NEDD4L: variants seen among roughly 807,000 people sequenced by gnomAD.
NEDD4L encodes E3 ubiquitin-protein ligase NEDD4-like.
In NEDD4L, 54 loss-of-function variants were observed where a neutral mutation model predicts 148.9. That is an observed-to-expected ratio of 0.36 (90% CI 0.29 to 0.45). NEDD4L has a LOEUF of 0.45. Ranked by LOEUF, NEDD4L falls within the 20% of genes least tolerant of loss-of-function variation. The probability of loss-of-function intolerance (pLI) is 1.00; values close to 1 mark genes in which losing one functional copy is unlikely to be tolerated. For missense variants in NEDD4L, 856 were observed against 1,233.8 expected, an observed-to-expected ratio of 0.69 and a Z score of 4.59; for synonymous variants, 433 against 440.7, an observed-to-expected ratio of 0.98 and a Z score of 0.22.
chr18:58,232,559 G>A (rs949249397), intron 2 of NEDD4L, among the ~76,000 whole-genome samples: 3 of 152,200 alleles, frequency 2.0e-5, no homozygotes, highest in East Asian at 1.9e-4. Flanking sequence ...GGTACCTGCC[G>A]TAATTGATCT....
chr18:58,081,485 G>C (rs190817933), intron 1 of NEDD4L, among the ~76,000 whole-genome samples: 28 of 152,038 alleles, frequency 1.8e-4, no homozygotes, highest in Middle Eastern at 3.4e-3. Flanking sequence ...AAAGTGCTAC[G>C]ATTACAGGTG....
intron 30 of NEDD4L, among the ~76,000 whole-genome samples, chr18:58,394,801 T>C (rs184104489): frequency 5.3e-5 from 8 of 152,356 alleles, no homozygotes; most frequent in African/African-American, 1.9e-4. Flanking sequence ...GGTTAGCTTT[T>C]AGTATATGTG....
chr18:58,235,110 G>A (rs1450091458), intron 2 of NEDD4L, among the ~76,000 whole-genome samples: 1 of 151,720 alleles, frequency 6.6e-6, no homozygotes, highest in Non-Finnish European at 1.5e-5. Flanking sequence ...GGCTTAGGAC[G>A]GTGCTTGGCT....
rs73450416 is a variant in NEDD4L at position 58,188,134 on chromosome 18, T to A, written c.122+22273T>A. Among the ~76,000 whole-genome samples, 700 of 152,264 alleles carry A rather than the reference T, an allele frequency of 4.6e-3. 7 individuals are homozygous for A. Among genetic ancestry groups the A allele is most frequent in the African/African-American group, 0.016 (661 of 41,562 alleles). On this transcript the variant is annotated intron_variant, in intron 2 of 30. Transcript: ENST00000400345. The stretch of plus-strand genomic sequence containing the variant: ...GGCCAACGCCTCTGTTCAGCGATAG[T>A]CCAGCTGAGACCAGGACCTGTGCCT...
At chr18:58,120,193 G>T (rs1267500736) in intron 1 of NEDD4L, among the ~76,000 whole-genome samples, 2 of 152,126 alleles carry the variant, frequency 1.3e-5, no homozygotes, top group African/African-American at 4.8e-5. Flanking sequence ...AGAAATCCCT[G>T]TCGAGGCCAG....
At position 58,370,656 on chromosome 18, in the gene NEDD4L, C is replaced by G. The variant is rs9955628; in HGVS notation, c.2256+189C>G. Among the ~76,000 whole-genome samples the G allele has an allele frequency of 0.28, 43,173 of 152,130 alleles. 6,428 individuals are homozygous for G. The highest frequency in any genetic ancestry group is 0.35 in the Middle Eastern group (104 of 294). ...TGTAATAAATCATTGTTCACATTTC[C>G]TGGAACCATGGTACCTAGGGTGGAT... is the stretch of plus-strand genomic sequence containing the variant. On this transcript the variant is annotated intron_variant, in intron 23 of 30. Coordinates refer to ENST00000400345, the MANE Select transcript of NEDD4L (RefSeq NM_001144967.3).
In NEDD4L at chr18:58,136,429, TG is replaced by T. The variant is rs1201950088; in HGVS notation, c.49-29357del. ...TGCCTTCTCTCCCCAGTGTTGGGTT[TG>T]GAGTAGAGCAAGAGTAACACAGAGG... On this transcript the variant is annotated intron_variant, in intron 1 of 30. Coordinates refer to ENST00000400345, the MANE Select transcript of NEDD4L (RefSeq NM_001144967.3). Among the ~76,000 whole-genome samples the T allele has an allele frequency of 3.9e-5, 6 of 152,210 alleles. No individual in the cohort carries two copies. The East Asian group carries it at 1.2e-3, about 29-fold the overall frequency.
chr18:58,171,719 G>A (rs2037529441), intron 2 of NEDD4L, among the ~76,000 whole-genome samples: 1 of 152,208 alleles, frequency 6.6e-6, no homozygotes, highest in South Asian at 2.1e-4. Flanking sequence ...TGTCATGGAG[G>A]TCCCATTGGC....
intron 1 of NEDD4L, among the ~76,000 whole-genome samples, chr18:58,124,653 C>T (rs2030692890): frequency 6.6e-6 from 1 of 152,222 alleles, no homozygotes. Flanking sequence ...GGAGCCGCTG[C>T]TCTTCCTGCC....
In NEDD4L at chr18:58,176,438, C is replaced by T. The variant is rs149502936; in HGVS notation, c.122+10577C>T. ...GTAACCTCAAACTCCTGAGCTCAAG[C>T]AGTCCTCCTGCCTCAGCCTCCCCAG... On this transcript the variant is annotated intron_variant, in intron 2 of 30. Coordinates refer to ENST00000400345, the MANE Select transcript of NEDD4L (RefSeq NM_001144967.3). 2.3e-3 allele frequency among the ~76,000 whole-genome samples: 357 copies of T among 152,304 alleles called. 3 individuals carry two copies. Among genetic ancestry groups the T allele is most frequent in the African/African-American group, 8.0e-3 (334 of 41,554 alleles).
intron 5 of NEDD4L, among the ~76,000 whole-genome samples, chr18:58,306,843 A>T (rs1467706473): frequency 6.6e-6 from 1 of 152,170 alleles, no homozygotes; most frequent in Non-Finnish European, 1.5e-5. Context: ...CATGTTGGCC[A>T]GGCTGTTCTC....
intron 1 of NEDD4L, among the ~76,000 whole-genome samples, chr18:58,082,103 T>TATATATATATATATATATATATA (rs1491360930): frequency 1.9e-5 from 1 of 53,972 alleles, no homozygotes; most frequent in African/African-American, 1.3e-4. Context: ...TATATATATA[T>TATATATATATATATATATATATA]TTTTTTTTTT....
chr18:58,199,273 G>A (rs1167230443), intron 2 of NEDD4L, among the ~76,000 whole-genome samples: 2 of 152,144 alleles, frequency 1.3e-5, no homozygotes, highest in Non-Finnish European at 2.9e-5. Context: ...CTTAAAGCCG[G>A]TGGTTCTCAA....
intron 2 of NEDD4L, among the ~76,000 whole-genome samples, chr18:58,239,187 G>A (rs2046356448): frequency 6.6e-6 from 1 of 152,214 alleles, no homozygotes; most frequent in Non-Finnish European, 1.5e-5. Flanking sequence ...GAAATATGCT[G>A]CATCCATGAG....
At chr18:58,206,404 GCAA>G (rs2041994520) in intron 2 of NEDD4L, among the ~76,000 whole-genome samples, 1 of 149,314 alleles carries the variant, frequency 6.7e-6, no homozygotes, top group Non-Finnish European at 1.5e-5. Context: ...AACAACAACA[GCAA>G]CAACAACAAA....
intron 2 of NEDD4L, among the ~76,000 whole-genome samples, chr18:58,226,163 T>C (rs866337018): frequency 2.6e-5 from 4 of 152,204 alleles, no homozygotes; most frequent in Admixed American, 6.5e-5. Context: ...TCATCAAAGA[T>C]ACTCAAGTCT....
chr18:58,343,061 C>G lies in NEDD4L; in HGVS notation c.1533C>G (p.Gly511=). ...PGWEMRIAPN[G]RPFFIDHNTK... ...GGGAAATGAGGATAGCGCCAAACGG[C>G]CGGCCCTTCTTCATTGATCATAACA... is the stretch of plus-strand genomic sequence containing the variant. The change falls in exon 16 of 31, where the codon GGC becomes GGG. Residue 511 remains glycine, a synonymous_variant. Coordinates refer to ENST00000400345, the MANE Select transcript of NEDD4L (RefSeq NM_001144967.3). 1 of 1,611,952 alleles carries G rather than the reference C, an allele frequency of 6.2e-7. No homozygotes were observed. Among genetic ancestry groups the G allele is most frequent in the Non-Finnish European group, 8.5e-7 (1 of 1,178,904 alleles).
intron 2 of NEDD4L, among the ~76,000 whole-genome samples, chr18:58,184,779 T>A (rs1428040597): frequency 1.3e-5 from 2 of 151,930 alleles, no homozygotes; most frequent in Non-Finnish European, 2.9e-5. Context: ...ATACAAAAAA[T>A]TAGCTGGGCA....
chr18:58,383,136 A>G (rs2048563198), intron 24 of NEDD4L, 110 bp from the exon 25 acceptor site: 1 of 667,052 alleles, frequency 1.5e-6, no homozygotes. Flanking sequence ...TTGCCGGGAA[A>G]TATTTCTGAA....
Sources: gnomAD v4.1 joint callset for allele counts (sites outside exome capture counted in the v4.1 genomes callset) on GRCh38, gnomAD v4.1.1 for gene constraint, MANE v1.5 for transcripts, NCBI Gene and HGNC (gene_info 2026-07-23, HGNC 2026-07-21) for gene names.